The following TGFBR3 variants were observed in gnomAD, a reference collection of about 807,000 sequenced individuals.
TGFBR3 encodes the protein transforming growth factor beta receptor type 3.
TGFBR3 carries 46 observed loss-of-function variants against 87.9 expected under a neutral mutation model. The ratio of observed to expected loss-of-function variants is 0.52; its 90% CI spans 0.41 to 0.67. TGFBR3 has a LOEUF of 0.67. Among genes scored for constraint, TGFBR3 ranks in the 30% least tolerant of loss-of-function variants. The probability of loss-of-function intolerance (pLI) is 0.00; values close to 1 mark genes in which losing one functional copy is unlikely to be tolerated. For missense variants in TGFBR3, 866 were observed against 1,041.9 expected, an observed-to-expected ratio of 0.83 and a Z score of 2.32; for synonymous variants, 381 against 391.6, an observed-to-expected ratio of 0.97 and a Z score of 0.32.
At chr1:91,807,429 A>G (rs1030326895) in intron 2 of TGFBR3, among the ~76,000 whole-genome samples, 4 of 152,238 alleles carry the variant, frequency 2.6e-5, no homozygotes, top group African/African-American at 9.6e-5. Context: ...TCTTCCAAGA[A>G]GTCAACCACC....
At chr1:91,865,005 C>T (rs1258625205) in intron 1 of TGFBR3, among the ~76,000 whole-genome samples, 2 of 151,936 alleles carry the variant, frequency 1.3e-5, no homozygotes, top group Admixed American at 6.6e-5. Context: ...GAGTTCAAGA[C>T]CAGCCTGGCC....
chr1:91,730,040 G>C, intron 5 of TGFBR3, 67 bp from the exon 6 acceptor site: 1 of 1,583,942 alleles, frequency 6.3e-7, no homozygotes, highest in Non-Finnish European at 8.7e-7. Flanking sequence ...AAAGGAAGGA[G>C]GGTGACAGTG....
intron 13 of TGFBR3, among the ~76,000 whole-genome samples, chr1:91,709,083 G>A (rs1230972619): frequency 6.6e-6 from 1 of 152,118 alleles, no homozygotes; most frequent in Non-Finnish European, 1.5e-5. Flanking sequence ...TTGAAAAACA[G>A]AAAAACTATA....
intron 4 of TGFBR3, among the ~76,000 whole-genome samples, chr1:91,757,789 C>G (rs917475038): frequency 1.3e-5 from 2 of 152,188 alleles, no homozygotes; most frequent in Admixed American, 6.5e-5. Context: ...GAGACATTAA[C>G]TGGGCAAAGT....
At chr1:91,744,837 A>G (rs1673283219) in intron 4 of TGFBR3, among the ~76,000 whole-genome samples, 1 of 152,228 alleles carries the variant, frequency 6.6e-6, no homozygotes, top group African/African-American at 2.4e-5. Flanking sequence ...CTCTGCACTG[A>G]TGATAAAAAG....
intron 1 of TGFBR3, among the ~76,000 whole-genome samples, chr1:91,867,196 T>G (rs1401348753): frequency 1.3e-5 from 2 of 152,358 alleles, no homozygotes; most frequent in East Asian, 3.9e-4. Context: ...TCCTGAGGTA[T>G]CAGATTAATT....
chr1:91,837,999 T>C (rs542131258), intron 2 of TGFBR3, among the ~76,000 whole-genome samples: 4 of 152,306 alleles, frequency 2.6e-5, no homozygotes, highest in Admixed American at 2.6e-4. Flanking sequence ...TTTGAAATCA[T>C]GTAGTTTGGG....
chr1:91,750,953 A>G (rs1673519341), intron 4 of TGFBR3, among the ~76,000 whole-genome samples: 1 of 152,218 alleles, frequency 6.6e-6, no homozygotes, highest in Admixed American at 6.5e-5. Context: ...AATAGTACTT[A>G]GCACACTAAA....
In TGFBR3 at chr1:91,902,268, C is replaced by CTTTTTTT. The variant is rs141866290; in HGVS notation, c.-174-2572_-174-2571insAAAAAAA. ...GAAGACGTGCAGTTTCTTTCCTTTT[C>CTTTTTTT]TTTTGTGTGTGTGTGTGTGTGTGTG... On this transcript the variant is annotated intron_variant, in intron 1 of 17. Transcript: ENST00000370399. Among the ~76,000 whole-genome samples, 48 of 125,296 alleles carry CTTTTTTT rather than the reference C, an allele frequency of 3.8e-4. 1 individual carries two copies. The highest frequency in any genetic ancestry group is 1.9e-3 in the South Asian group (7 of 3,678). 82.2% of individuals were successfully genotyped at this position (125,296 alleles called of 152,430 possible).
intron 2 of TGFBR3, among the ~76,000 whole-genome samples, chr1:91,835,396 G>A (rs1216190763): frequency 6.6e-6 from 1 of 152,200 alleles, no homozygotes. Flanking sequence ...ATGAACTGTA[G>A]CACAACACAA....
chr1:91,715,402 C>T lies in TGFBR3; in HGVS notation c.1866+834G>A, dbSNP rs1672130821. 2.0e-5 allele frequency among the ~76,000 whole-genome samples: 3 copies of T among 152,306 alleles called. No homozygotes were observed. The South Asian group carries it at 6.2e-4, about 32-fold the overall frequency. On this transcript the variant is annotated intron_variant, in intron 12 of 16. Coordinates refer to ENST00000212355, the MANE Select transcript of TGFBR3 (RefSeq NM_003243.5). ...GCCTATGAGCACTGAATCTGAACTCCACTAGTACCAGCTGTGTGGCCTCAG... is the reference window on the plus strand; with the variant it reads ...GCCTATGAGCACTGAATCTGAACTCTACTAGTACCAGCTGTGTGGCCTCAG...
intron 1 of TGFBR3, among the ~76,000 whole-genome samples, chr1:91,871,987 C>A (rs1678596597): frequency 6.6e-6 from 1 of 152,122 alleles, no homozygotes; most frequent in Non-Finnish European, 1.5e-5. Context: ...GAAATGGTAG[C>A]TTTGATTATT....
intron 4 of TGFBR3, among the ~76,000 whole-genome samples, chr1:91,755,898 TAC>T (rs1351026952): frequency 6.6e-6 from 1 of 152,116 alleles, no homozygotes; most frequent in African/African-American, 2.4e-5. Flanking sequence ...ATTTCATAAA[TAC>T]AGATGCAAAT....
At chr1:91,886,396 G>T (rs1286976214), upstream of TGFBR3, 1 of 336,212 alleles carries the variant, frequency 3.0e-6, no homozygotes, top group South Asian at 2.2e-5. Flanking sequence ...CTTCCCTTCG[G>T]GACGAGGAGG....
At chr1:91,776,149 C>T (rs1674557586) in intron 3 of TGFBR3, among the ~76,000 whole-genome samples, 1 of 152,202 alleles carries the variant, frequency 6.6e-6, no homozygotes, top group Non-Finnish European at 1.5e-5. Flanking sequence ...AGTCAACACG[C>T]AACACTGGGT....
At chr1:91,885,600 C>T (rs1192419023) in intron 1 of TGFBR3, among the ~76,000 whole-genome samples, 1 of 152,160 alleles carries the variant, frequency 6.6e-6, no homozygotes, top group African/African-American at 2.4e-5. Flanking sequence ...TGAGGGCGGG[C>T]GTGGAGAATT....
At chr1:91,689,691 C>G (rs1483475110) in intron 16 of TGFBR3, among the ~76,000 whole-genome samples, 1 of 151,960 alleles carries the variant, frequency 6.6e-6, no homozygotes, top group Admixed American at 6.6e-5. Flanking sequence ...AACTCTGAAT[C>G]AAGAAAGCAA....
rs1571402734 is a variant in TGFBR3 at position 91,683,464 on chromosome 1, C to T, written c.*275G>A. On this transcript the variant is annotated 3_prime_UTR_variant, in exon 17 of 17. Transcript: ENST00000212355. ...GCATGTGTTTCACATTGAAAACCCC[C>T]AAGCCTGTGAGGGGCTGGTGGAGAA... 1 of 652,996 alleles carries T rather than the reference C, an allele frequency of 1.5e-6. No homozygotes were observed. The highest frequency in any genetic ancestry group is 1.8e-5 in the African/African-American group (1 of 56,366). The allele number at this position is 652,996 out of a possible 1,614,324, so 40.5% of individuals were successfully genotyped here.
At chr1:91,790,866 G>T (rs548942158) in intron 3 of TGFBR3, among the ~76,000 whole-genome samples, 1 of 152,262 alleles carries the variant, frequency 6.6e-6, no homozygotes, top group South Asian at 2.1e-4. Context: ...TTGAGATTTT[G>T]TATCAGTTCT....
Sources: allele counts gnomAD v4.1 joint callset (sites outside exome capture counted in the v4.1 genomes callset), GRCh38; gene constraint gnomAD v4.1.1; transcripts MANE v1.5; gene names NCBI Gene and HGNC (gene_info 2026-07-23, HGNC 2026-07-21).